Variants in ADK observed in about 807,000 individuals in gnomAD.
ADK encodes N6,N6-dimethyladenosine kinase.
In ADK, 24 loss-of-function variants were observed where a neutral mutation model predicts 44.7. The observed-to-expected ratio is 0.54, with a 90% confidence interval of 0.39 to 0.76. The LOEUF is 0.76. ADK is among the 30% of genes least tolerant of loss of function. The probability of loss-of-function intolerance (pLI) is 0.00; values close to 1 mark genes in which losing one functional copy is unlikely to be tolerated. For synonymous variants in ADK, 128 were observed against 142.6 expected, an observed-to-expected ratio of 0.90 and a Z score of 0.73; for missense variants, 321 against 425.1, an observed-to-expected ratio of 0.76 and a Z score of 2.15.
intron 6 of ADK, among the ~76,000 whole-genome samples, chr10:74,483,060 A>G (rs1039999713): frequency 6.6e-6 from 1 of 152,034 alleles, no homozygotes; most frequent in African/African-American, 2.4e-5. Flanking sequence ...GAGGACTCCA[A>G]CCCCACATTT....
At chr10:74,262,031 C>T (rs1251894754) in intron 3 of ADK, among the ~76,000 whole-genome samples, 1 of 152,076 alleles carries the variant, frequency 6.6e-6, no homozygotes, top group Non-Finnish European at 1.5e-5. Context: ...ACAAAAAACA[C>T]TCATGGGCCG....
chr10:74,326,478 A>G (rs571798805), intron 4 of ADK, among the ~76,000 whole-genome samples: 1 of 150,956 alleles, frequency 6.6e-6, no homozygotes, highest in East Asian at 1.9e-4. Flanking sequence ...ACACACCTGT[A>G]GTCTGAGCTA....
At chr10:74,230,925 G>A (rs939907664) in intron 3 of ADK, among the ~76,000 whole-genome samples, 7 of 151,856 alleles carry the variant, frequency 4.6e-5, no homozygotes, top group African/African-American at 7.3e-5. Context: ...CAGGTGATCC[G>A]CCTGCCTCAG....
chr10:74,270,407 G>T (rs150178251), intron 3 of ADK, among the ~76,000 whole-genome samples: 1 of 152,296 alleles, frequency 6.6e-6, no homozygotes, highest in East Asian at 1.9e-4. Flanking sequence ...TCTCTTTAAT[G>T]TCTGACTTAG....
At chr10:74,700,171 T>C (rs1436383401) in intron 10 of ADK, among the ~76,000 whole-genome samples, 1 of 152,232 alleles carries the variant, frequency 6.6e-6, no homozygotes, top group African/African-American at 2.4e-5. Flanking sequence ...AGTGTATTTA[T>C]ACATGGAGAT....
chr10:74,365,683 T>G (rs1024883165), intron 4 of ADK, among the ~76,000 whole-genome samples: 3 of 152,226 alleles, frequency 2.0e-5, no homozygotes, highest in African/African-American at 7.2e-5. Context: ...TTGTCTTACC[T>G]AAATGCTTTG....
chr10:74,172,462 G>A (rs914118849), intron 1 of ADK, among the ~76,000 whole-genome samples: 6 of 152,098 alleles, frequency 3.9e-5, no homozygotes, highest in African/African-American at 1.4e-4. Flanking sequence ...GCCGAGGTGG[G>A]CGGATCACCT....
chr10:74,528,349 T>G, intron 7 of ADK: 21 of 160,862 alleles, frequency 1.3e-4, no homozygotes, highest in East Asian at 5.1e-4. Flanking sequence ...AGGTGGAAAA[T>G]GTATTTAGAA....
rs1405468703 is a variant in ADK at position 74,670,096 on chromosome 10, A to G, written c.878-87A>G. 4.9e-6 allele frequency: 5 copies of G among 1,011,368 alleles called. No individual in the cohort carries two copies. In the East Asian group the frequency reaches 1.2e-4, roughly 25 times the overall value. 62.6% of individuals were successfully genotyped at this position (1,011,368 alleles called of 1,614,324 possible). On this transcript the variant is annotated intron_variant, in intron 9 of 10. Coordinates refer to ENST00000539909, the MANE Select transcript of ADK (RefSeq NM_006721.4). ...CCTGTCTCTCTTTGAATGATGAGTG[A>G]TGAAGGAGCTTCAGATGTTACTGGG...
At chr10:74,617,403 A>G (rs1197666765) in intron 9 of ADK, among the ~76,000 whole-genome samples, 1 of 152,234 alleles carries the variant, frequency 6.6e-6, no homozygotes. Flanking sequence ...TTTAAAAATC[A>G]TGAATAGTTG....
chr10:74,487,076 T>A (rs900630176), intron 6 of ADK, among the ~76,000 whole-genome samples: 5 of 152,126 alleles, frequency 3.3e-5, no homozygotes, highest in Admixed American at 3.3e-4. Context: ...CTGCCCTGCA[T>A]TCATAAAGCA....
intron 4 of ADK, among the ~76,000 whole-genome samples, chr10:74,320,561 A>AT (rs1840773802): frequency 1.3e-5 from 2 of 151,812 alleles, no homozygotes; most frequent in South Asian, 2.1e-4. Flanking sequence ...ATCTTCAAAA[A>AT]TTTTTTTCTT....
chr10:74,674,391 T>C (rs901745710), intron 10 of ADK, among the ~76,000 whole-genome samples: 8 of 152,276 alleles, frequency 5.3e-5, no homozygotes, highest in Admixed American at 5.2e-4. Flanking sequence ...CCTAGCACTT[T>C]GAGAGGCCAA....
At chr10:74,545,293 A>G (rs1476930692) in intron 7 of ADK, among the ~76,000 whole-genome samples, 1 of 152,116 alleles carries the variant, frequency 6.6e-6, no homozygotes, top group African/African-American at 2.4e-5. Flanking sequence ...ACTTTTTTCA[A>G]AATAGGAATC....
chr10:74,539,333 T>G (rs1849553284), intron 7 of ADK, among the ~76,000 whole-genome samples: 1 of 152,204 alleles, frequency 6.6e-6, no homozygotes, highest in African/African-American at 2.4e-5. Context: ...TGGCCAAGTC[T>G]AATTCTTTAA....
intron 6 of ADK, among the ~76,000 whole-genome samples, chr10:74,438,447 G>A (rs552955574): frequency 6.6e-6 from 1 of 151,330 alleles, no homozygotes; most frequent in South Asian, 2.1e-4. Context: ...AGCCAGAGTG[G>A]TCTCGAACTC....
chr10:74,296,093 G>T (rs994799136), intron 3 of ADK, among the ~76,000 whole-genome samples: 7 of 145,340 alleles, frequency 4.8e-5, no homozygotes, highest in Non-Finnish European at 3.0e-5. Flanking sequence ...ACTTTCTTTG[G>T]GTTTCATTTG....
At chr10:74,635,600 G>C (rs926656780) in intron 9 of ADK, among the ~76,000 whole-genome samples, 1 of 152,084 alleles carries the variant, frequency 6.6e-6, no homozygotes, top group African/African-American at 2.4e-5. Context: ...TCCAGTCAAG[G>C]CTAGGCTCAG....
At chr10:74,201,747 A>G (rs889947468) in intron 2 of ADK, among the ~76,000 whole-genome samples, 9 of 151,458 alleles carry the variant, frequency 5.9e-5, no homozygotes, top group Non-Finnish European at 1.2e-4. Flanking sequence ...GTTCAGTACT[A>G]TCCATGGTTT....
Sources: gnomAD v4.1 joint callset for allele counts (sites outside exome capture counted in the v4.1 genomes callset) on GRCh38, gnomAD v4.1.1 for gene constraint, MANE v1.5 for transcripts, NCBI Gene and HGNC (gene_info 2026-07-23, HGNC 2026-07-21) for gene names.